Variants in SLC25A29 observed in about 807,000 individuals in gnomAD.
SLC25A29 encodes the protein solute carrier family 25 member 29, also known as mitochondrial basic amino acids transporter.
A neutral mutation model predicts 10.0 loss-of-function variants in SLC25A29; 13 were observed. The observed-to-expected ratio is 1.30, with a 90% CI of 0.85 to 2.07. SLC25A29 has a LOEUF of 2.07. SLC25A29 is among the 30% of genes most tolerant of loss of function. The pLI, the probability that SLC25A29 is intolerant of heterozygous loss-of-function variation, is 0.00. For synonymous variants in SLC25A29, 244 were observed against 221.1 expected (o/e 1.10, Z -0.92); for missense variants, 475 against 447.6 (o/e 1.06, Z -0.55).
the SLC25A29 span, among the ~76,000 whole-genome samples, chr14:100,284,392 G>C: frequency 6.6e-6 from 1 of 152,138 alleles, no homozygotes; most frequent in African/African-American, 2.4e-5. Context: ...CCGCCATTGT[G>C]ACCGTTCCCC....
At chr14:100,295,133 C>T (rs1892049956) in intron 2 of SLC25A29, 2 of 160,696 alleles carry the variant, frequency 1.2e-5, no homozygotes, top group African/African-American at 2.4e-5. Context: ...CAAGTCCAGC[C>T]GGCTGGGGAA....
chr14:100,284,411 T>C, the SLC25A29 span, among the ~76,000 whole-genome samples: 3 of 152,200 alleles, frequency 2.0e-5, no homozygotes, highest in Non-Finnish European at 4.4e-5. Context: ...CCTCGGTCCT[T>C]GCTGACCTCC....
At chr14:100,282,202 A>G in the SLC25A29 span, 1 of 152,232 alleles carries the variant, frequency 6.6e-6, no homozygotes, top group East Asian at 1.9e-4. Context: ...GGTGCGTGTG[A>G]TGGCGTCACA....
the SLC25A29 span, chr14:100,281,060 C>CAAAAAAAAAAAAAAAAA: frequency 2.1e-5 from 1 of 47,776 alleles, no homozygotes; most frequent in African/African-American, 1.0e-4. Flanking sequence ...ACTCCGTCTC[C>CAAAAAAAAAAAAAAAAA]CAAAAAAAAA....
the SLC25A29 span, among the ~76,000 whole-genome samples, chr14:100,285,124 A>C: frequency 6.6e-6 from 1 of 151,754 alleles, no homozygotes; most frequent in Non-Finnish European, 1.5e-5. Flanking sequence ...AGGTGTTTGC[A>C]TGGCTTCTTC....
intron 2 of SLC25A29, chr14:100,298,534 T>C: frequency 2.1e-6 from 1 of 479,998 alleles, no homozygotes; most frequent in Non-Finnish European, 3.8e-6. Context: ...TTTTCTTTCT[T>C]TCAAGGAACT....
the SLC25A29 span, chr14:100,281,495 A>G: frequency 6.6e-6 from 1 of 152,324 alleles, no homozygotes; most frequent in South Asian, 2.1e-4. Context: ...ATGTGAGCGC[A>G]GCACTTCAGA....
intron 2 of SLC25A29, chr14:100,297,929 C>CT (rs1892280602): frequency 6.6e-6 from 1 of 152,258 alleles, no homozygotes; most frequent in African/African-American, 2.4e-5. Flanking sequence ...AGGGACAGAG[C>CT]TTTTTAAGGT....
Position 100,292,503 on chromosome 14 carries a change from ATGCCGCGGT to A in SLC25A29, c.683_691del (p.Tyr228_Ile231delinsPhe). 1 of 1,588,502 alleles carries A rather than the reference ATGCCGCGGT, an allele frequency of 6.3e-7. No homozygotes were observed. The highest frequency in any genetic ancestry group is 8.6e-7 in the Non-Finnish European group (1 of 1,169,310). ...GTAGCTCTGGTGCACGCAGTCCAGGATGCCGCGGTAGCGCGGGGCGCCCCGCAGTCCGTC... is the reference window on the plus strand; with the variant it reads ...GTAGCTCTGGTGCACGCAGTCCAGGAAGCGCGGGGCGCCCCGCAGTCCGTC... On this transcript the variant is annotated inframe_deletion, in exon 4 of 4. Transcript: ENST00000359232.
chr14:100,282,151 C>T, the SLC25A29 span: 1 of 152,236 alleles, frequency 6.6e-6, no homozygotes, highest in African/African-American at 2.4e-5. Context: ...AGCAGGCACC[C>T]AGCCCCATGT....
intron 2 of SLC25A29, chr14:100,293,962 A>T (rs1891965014): frequency 6.5e-6 from 1 of 152,952 alleles, no homozygotes; most frequent in African/African-American, 2.4e-5. Flanking sequence ...TGTAAAAAAA[A>T]TTAGCCTAGT....
chr14:100,301,804 C>A (rs1007483477), intron 1 of SLC25A29, among the ~76,000 whole-genome samples: 1 of 151,782 alleles, frequency 6.6e-6, no homozygotes, highest in African/African-American at 2.4e-5. Flanking sequence ...GCCACCACGC[C>A]CGGCACTTCC....
the SLC25A29 span, among the ~76,000 whole-genome samples, chr14:100,284,330 G>A: frequency 6.6e-6 from 1 of 152,092 alleles, no homozygotes; most frequent in Non-Finnish European, 1.5e-5. Context: ...TTTCTGTTCT[G>A]GCGCAGTGGT....
downstream of SLC25A29, among the ~76,000 whole-genome samples, chr14:100,289,799 A>T (rs1244584829): frequency 7.5e-6 from 1 of 133,746 alleles, no homozygotes; most frequent in Non-Finnish European, 1.5e-5. Flanking sequence ...CTGAAAGAGC[A>T]CCACTGCACT....
chr14:100,305,788 G>C (rs1244533232), intron 1 of SLC25A29: 1 of 176,034 alleles, frequency 5.7e-6, no homozygotes, highest in South Asian at 1.9e-4. Context: ...TGCGCGGGAC[G>C]GGGTGGAGTC....
intron 1 of SLC25A29, among the ~76,000 whole-genome samples, chr14:100,301,373 C>T (rs1892533991): frequency 1.3e-5 from 2 of 151,600 alleles, no homozygotes; most frequent in Admixed American, 1.3e-4. Context: ...GCCATGTTGG[C>T]CAGGCTGGTC....
At position 100,293,034 on chromosome 14, in the gene SLC25A29, T is replaced by C; in HGVS notation, c.163-2A>G. On this transcript the variant is annotated splice_acceptor_variant, in intron 3 of 3. Transcript: ENST00000359232. LOFTEE classifies it high-confidence loss of function. The stretch of plus-strand genomic sequence containing the variant: ...CAGGCCCTTGTACAGGCCCAGCACC[T>C]GCGGGGACAGAGACGCCATCAGAGC... 1 of 1,532,062 alleles carries C rather than the reference T, an allele frequency of 6.5e-7. No individual in the cohort carries two copies. The highest frequency in any genetic ancestry group is 2.3e-5 in the East Asian group (1 of 43,466). The allele number at this position is 1,532,062 out of a possible 1,614,324, so 94.9% of individuals were successfully genotyped here. A position where few individuals can be genotyped will look rare whatever the true frequency, so the allele number is the denominator to read the frequency against.
At chr14:100,295,633 C>A (rs1327817002) in intron 2 of SLC25A29, 1 of 1,289,328 alleles carries the variant, frequency 7.8e-7, no homozygotes, top group African/African-American at 1.5e-5. Context: ...TACTAGCGCT[C>A]TCCAGGGTGA....
At chr14:100,284,106 TTAGC>T in the SLC25A29 span, among the ~76,000 whole-genome samples, 3 of 152,216 alleles carry the variant, frequency 2.0e-5, no homozygotes, top group East Asian at 1.9e-4. Flanking sequence ...CTTTGATGAA[TTAGC>T]TAGCAATATC....
Sources: gnomAD v4.1 joint callset for allele counts (sites outside exome capture counted in the v4.1 genomes callset) on GRCh38, gnomAD v4.1.1 for gene constraint, MANE v1.5 for transcripts, NCBI Gene and HGNC (gene_info 2026-07-23, HGNC 2026-07-21) for gene names.